Variants in ESCO1 observed in about 807,000 individuals in gnomAD.
The protein encoded by ESCO1 is N-acetyltransferase ESCO1.
Under a neutral mutation model 83.5 loss-of-function variants are expected in ESCO1, and 33 were observed. The ratio of observed to expected loss-of-function variants is 0.40; its 90% CI spans 0.30 to 0.53. ESCO1 has a LOEUF of 0.53. ESCO1 is among the 20% of genes least tolerant of loss of function. The probability of loss-of-function intolerance (pLI) is 0.63; values close to 1 mark genes in which losing one functional copy is unlikely to be tolerated. For missense variants in ESCO1, 855 were observed against 968.0 expected (o/e 0.88, Z 1.55); for synonymous variants, 332 against 324.3 (o/e 1.02, Z -0.25).
chr18:21,575,174 T>A lies in ESCO1; in HGVS notation c.-331A>T. 1 of 375,324 alleles carries A rather than the reference T, an allele frequency of 2.7e-6. No homozygotes were observed. Among genetic ancestry groups the A allele is most frequent in the Non-Finnish European group, 4.7e-6 (1 of 212,978 alleles). The allele number at this position is 375,324 out of a possible 1,614,324, so 23.2% of individuals were successfully genotyped here. A position where few individuals can be genotyped will look rare whatever the true frequency, so the allele number is the denominator to read the frequency against. ...TTCAGGTTCAATCTGTTTTGTTAAT[T>A]TTTTAATTAATTTTGGTTTCAGGCC... On this transcript the variant is annotated 5_prime_UTR_variant, in exon 4 of 12. Transcript: ENST00000269214.
intron 1 of ESCO1, among the ~76,000 whole-genome samples, chr18:21,598,572 C>T (rs1043125280): frequency 2.6e-5 from 4 of 151,960 alleles, no homozygotes; most frequent in African/African-American, 9.7e-5. Context: ...CATGGTGGCA[C>T]TTGTCTGTAA....
intron 2 of ESCO1, among the ~76,000 whole-genome samples, chr18:21,579,810 A>C (rs867518765): frequency 7.0e-6 from 1 of 142,064 alleles, no homozygotes; most frequent in African/African-American, 2.6e-5. Context: ...ACACACACAC[A>C]CACACACACA....
chr18:21,598,732 C>T (rs956237618), intron 1 of ESCO1, among the ~76,000 whole-genome samples: 1 of 151,998 alleles, frequency 6.6e-6, no homozygotes, highest in South Asian at 2.1e-4. Context: ...TACTTGTTCA[C>T]TACAGGATTA....
At chr18:21,541,612 GAA>G (rs1464126802) in intron 8 of ESCO1, among the ~76,000 whole-genome samples, 1 of 123,412 alleles carries the variant, frequency 8.1e-6, no homozygotes, top group African/African-American at 3.1e-5. Flanking sequence ...AAAAAAAAAA[GAA>G]AGAAAGTAAA....
intron 6 of ESCO1, 26 bp from the exon 7 acceptor site, chr18:21,564,343 G>GTTA (rs1568102501): frequency 7.8e-6 from 11 of 1,409,376 alleles, no homozygotes; most frequent in Non-Finnish European, 1.1e-5. Context: ...ATTACTAAAT[G>GTTA]TTACAGATCC....
At chr18:21,564,063 T>C (rs1462564874) in intron 7 of ESCO1, 140 bp downstream of exon 7, 2 of 606,916 alleles carry the variant, frequency 3.3e-6, no homozygotes, top group Non-Finnish European at 5.7e-6. Context: ...CAGATGCAGA[T>C]GTCAGGCCAT....
chr18:21,573,943 C>T lies in ESCO1; in HGVS notation c.901G>A (p.Gly301Ser), dbSNP rs1277497214. ...ELEQAGKSKR[G>S]SILQLCEEIA... ...TCTTCACAGAGCTGGAGAATACTACCTCGTTTGCTCTTTCCTGCTTGCTCC... is the reference window on the plus strand; with the variant it reads ...TCTTCACAGAGCTGGAGAATACTACTTCGTTTGCTCTTTCCTGCTTGCTCC... The change falls in exon 4 of 12, where the codon GGT (glycine) becomes AGT (serine). Residue 301 changes from glycine (G) to serine (S), a missense_variant. Transcript: ENST00000269214. The T allele has an allele frequency of 4.3e-6, 7 of 1,614,000 alleles. No homozygotes were observed. Among genetic ancestry groups the T allele is most frequent in the Non-Finnish European group, 5.9e-6 (7 of 1,180,032 alleles).
rs150505668 is a variant in ESCO1 at position 21,574,775 on chromosome 18, A to G, written c.69T>C (p.Asn23=). Residue 23 remains asparagine (N), a synonymous_variant, in exon 4 of 12, where the codon AAT becomes AAC. Transcript: ENST00000269214. The part of the protein sequence containing the change: ...SKVTKKSDDK[N]SETEIQDSQK... ...GAGAATCCTGAATTTCTGTTTCTGA[A>G]TTCTTATCGTCACTTTTTTTAGTAA... The G allele has an allele frequency of 8.7e-6, 14 of 1,604,624 alleles. No homozygotes were observed. The highest frequency in any genetic ancestry group is 1.2e-5 in the Non-Finnish European group (14 of 1,179,598).
At position 21,575,441 on chromosome 18, in the gene ESCO1, A is replaced by T. The variant is rs2038406940; in HGVS notation, c.-587-11T>A. 3 of 398,290 alleles carry T rather than the reference A, an allele frequency of 7.5e-6. No individual in the cohort carries two copies. Among genetic ancestry groups the T allele is most frequent in the Non-Finnish European group, 1.3e-5 (3 of 225,880 alleles). 24.7% of individuals were successfully genotyped at this position (398,290 alleles called of 1,614,324 possible). ...TTTGTGCTGCCGTTTCTGAAAAATT[A>T]AAAAACAAAAATAAAGTTTTGTACA... On this transcript the variant is annotated splice_polypyrimidine_tract_variant and intron_variant, in intron 3 of 11. Coordinates refer to ENST00000269214, the MANE Select transcript of ESCO1 (RefSeq NM_052911.3).
At chr18:21,566,435 G>A (rs2038261132) in intron 5 of ESCO1, among the ~76,000 whole-genome samples, 1 of 152,152 alleles carries the variant, frequency 6.6e-6, no homozygotes, top group Admixed American at 6.5e-5. Context: ...GAGCTGTAAT[G>A]GTAGATTAGC....
Position 21,574,439 on chromosome 18 carries a change from C to G in ESCO1, c.405G>C (p.Ser135=), listed in dbSNP as rs139265847. 82 of 1,613,980 alleles carry G rather than the reference C, an allele frequency of 5.1e-5. No homozygotes were observed. Among genetic ancestry groups the G allele is most frequent in the Non-Finnish European group, 6.1e-5 (72 of 1,180,014 alleles). ...LQQLTEVSRR[S]LRSREIQGQV... The stretch of plus-strand genomic sequence containing the variant: ...GACCCTGAATTTCTCTACTGCGTAA[C>G]GACCTTCTTGAAACCTCTGTTAATT... The change falls in exon 4 of 12, where the codon TCG becomes TCC. Residue 135 remains serine, a synonymous_variant. Coordinates refer to ENST00000269214, the MANE Select transcript of ESCO1 (RefSeq NM_052911.3).
At chr18:21,540,662 T>G (rs1265963435) in intron 8 of ESCO1, 1 of 1,329,232 alleles carries the variant, frequency 7.5e-7, no homozygotes, top group Non-Finnish European at 9.9e-7. Flanking sequence ...TAATAAACTC[T>G]TCTTCAGATC....
At chr18:21,532,384 G>A (rs764920199) in intron 11 of ESCO1, 89 bp downstream of exon 11, 46 of 1,328,850 alleles carry the variant, frequency 3.5e-5, no homozygotes, top group African/African-American at 1.6e-4. Context: ...AAGATTATAC[G>A]CATGTTAATT....
At chr18:21,535,088 C>G (rs571689581) in intron 10 of ESCO1, among the ~76,000 whole-genome samples, 1 of 152,192 alleles carries the variant, frequency 6.6e-6, no homozygotes, top group Non-Finnish European at 1.5e-5. Flanking sequence ...TTTACAAAAA[C>G]AAGCTGGATT....
At position 21,574,440 on chromosome 18, in the gene ESCO1, G is replaced by C. The variant is rs573658620; in HGVS notation, c.404C>G (p.Ser135Trp). The change falls in exon 4 of 12, where the codon TCG becomes TGG. Residue 135 changes from serine (S) to tryptophan (W), a missense_variant. Physicochemically the swap from Ser to Trp is radical, Grantham distance 177 (BLOSUM62 -3). Coordinates refer to ENST00000269214, the MANE Select transcript of ESCO1 (RefSeq NM_052911.3). ...LQQLTEVSRR[S>W]LRSREIQGQV... is the part of the protein sequence containing the mutation. ...ACCCTGAATTTCTCTACTGCGTAAC[G>C]ACCTTCTTGAAACCTCTGTTAATTG... is the stretch of plus-strand genomic sequence containing the variant. 6.2e-7 allele frequency: 1 copy of C among 1,613,968 alleles called. No individual in the cohort carries two copies. The highest frequency in any genetic ancestry group is 1.1e-5 in the South Asian group (1 of 91,066).
intron 8 of ESCO1, among the ~76,000 whole-genome samples, chr18:21,542,705 G>C (rs2037922378): frequency 6.6e-6 from 1 of 152,154 alleles, no homozygotes; most frequent in South Asian, 2.1e-4. Context: ...TCAAATCATA[G>C]GCAAATAAAA....
At chr18:21,583,737 G>C (rs993853956) in intron 2 of ESCO1, among the ~76,000 whole-genome samples, 1 of 152,170 alleles carries the variant, frequency 6.6e-6, no homozygotes, top group Non-Finnish European at 1.5e-5. Context: ...AGAGTGGAGA[G>C]AGGGAGATTA....
Position 21,574,832 on chromosome 18 carries a change from A to T in ESCO1, c.12T>A (p.Ile4=), listed in dbSNP as rs2038398473. The T allele has an allele frequency of 6.3e-7, 1 of 1,586,524 alleles. No individual in the cohort carries two copies. Among genetic ancestry groups the T allele is most frequent in the African/African-American group, 1.4e-5 (1 of 73,760 alleles). ...AGGAATTCTCTTTTGATTTCTCCTG[A>T]ATGGACATCATTCCTGAGTAATGAC... The part of the protein sequence containing the change: MMS[I]QEKSKENSSK... Residue 4 remains isoleucine (I), a synonymous_variant, in exon 4 of 12, where the codon ATT becomes ATA. Transcript: ENST00000269214.
At position 21,595,804 on chromosome 18, in the gene ESCO1, A is replaced by G. The variant is rs550239339; in HGVS notation, c.-825+4819T>C. Among the ~76,000 whole-genome samples, 65 of 151,518 alleles carry G rather than the reference A, an allele frequency of 4.3e-4. 2 individuals are homozygous for G. In the East Asian group the frequency reaches 0.012, roughly 28 times the overall value. On this transcript the variant is annotated intron_variant, in intron 1 of 11. Coordinates refer to ENST00000269214, the MANE Select transcript of ESCO1 (RefSeq NM_052911.3). The stretch of plus-strand genomic sequence containing the variant: ...CAGTGAAACCTCGTCTCTACTAAAA[A>G]ATACAAAAAATTAGCCGGGCATGGT...
Sources: allele counts gnomAD v4.1 joint callset (sites outside exome capture counted in the v4.1 genomes callset), GRCh38; gene constraint gnomAD v4.1.1; transcripts MANE v1.5; gene names NCBI Gene and HGNC (gene_info 2026-07-23, HGNC 2026-07-21).